FAM20A: variants seen among roughly 807,000 people sequenced by gnomAD.
FAM20A encodes the protein pseudokinase FAM20A.
A neutral mutation model predicts 52.0 loss-of-function variants in FAM20A; 42 were observed. The ratio of observed to expected loss-of-function variants is 0.81; its 90% CI spans 0.63 to 1.04. The LOEUF is 1.04. Ranked by LOEUF, FAM20A falls within the 50% of genes least tolerant of loss-of-function variation. FAM20A has a pLI of 0.00. For synonymous variants in FAM20A, 304 were observed against 298.9 expected, an observed-to-expected ratio of 1.02 and a Z score of -0.18; for missense variants, 742 against 712.7, an observed-to-expected ratio of 1.04 and a Z score of -0.47.
intron 2 of FAM20A, 58 bp downstream of exon 2, chr17:68,555,501 T>C (rs1040531960): frequency 9.4e-6 from 15 of 1,596,498 alleles, no homozygotes; most frequent in Non-Finnish European, 1.3e-5. Context: ...CTGGGATGCT[T>C]TACCCAGACT....
intron 1 of FAM20A, among the ~76,000 whole-genome samples, chr17:68,563,510 C>T (rs1439765380): frequency 1.3e-5 from 2 of 151,966 alleles, no homozygotes; most frequent in East Asian, 1.9e-4. Context: ...GACAGAATCT[C>T]GTCTGCCCCA....
In FAM20A at chr17:68,536,617, A is replaced by C. The variant is rs139909164; in HGVS notation, c.*860T>G. 6 of 452,162 alleles carry C rather than the reference A, an allele frequency of 1.3e-5. No individual in the cohort carries two copies. Among genetic ancestry groups the C allele is most frequent in the Non-Finnish European group, 4.4e-6 (1 of 226,112 alleles). 28.0% of individuals were successfully genotyped at this position (452,162 alleles called of 1,614,324 possible). ...GGGCCGGGGACAATCCTGGGGTCTT[A>C]GGGAAGAAGATTGTGGTTGGTGGGC... On this transcript the variant is annotated 3_prime_UTR_variant, in exon 11 of 11. Transcript: ENST00000592554.
intron 4 of FAM20A, among the ~76,000 whole-genome samples, chr17:68,544,314 T>C (rs894936292): frequency 1.3e-5 from 2 of 152,166 alleles, no homozygotes; most frequent in African/African-American, 4.8e-5. Flanking sequence ...TATTGATTTA[T>C]ATACATTAAA....
At chr17:68,581,774 C>T (rs1044184075) in intron 1 of FAM20A, among the ~76,000 whole-genome samples, 3 of 151,924 alleles carry the variant, frequency 2.0e-5, no homozygotes, top group Admixed American at 6.6e-5. Flanking sequence ...CAGGGTTTCA[C>T]CATGTTGGCC....
chr17:68,590,958 T>C (rs1316238217), intron 1 of FAM20A, among the ~76,000 whole-genome samples: 1 of 152,200 alleles, frequency 6.6e-6, no homozygotes, highest in African/African-American at 2.4e-5. Context: ...CCCAGGATCT[T>C]TCTTTTTGGA....
At chr17:68,586,433 C>T (rs964859268) in intron 1 of FAM20A, among the ~76,000 whole-genome samples, 7 of 152,264 alleles carry the variant, frequency 4.6e-5, no homozygotes, top group African/African-American at 1.2e-4. Context: ...AGAAGGCTTT[C>T]GCAGATTTAA....
At chr17:68,539,194 G>T in intron 10 of FAM20A, 143 bp downstream of exon 10, 1 of 747,662 alleles carries the variant, frequency 1.3e-6, no homozygotes, top group Non-Finnish European at 2.4e-6. Context: ...GCACAAATGT[G>T]TAGGAAATAA....
intron 1 of FAM20A, among the ~76,000 whole-genome samples, chr17:68,586,245 TA>T (rs1413430965): frequency 6.6e-6 from 1 of 152,216 alleles, no homozygotes; most frequent in Non-Finnish European, 1.5e-5. Context: ...TGGATAAAGA[TA>T]TAGGTATAGA....
intron 1 of FAM20A, among the ~76,000 whole-genome samples, chr17:68,596,159 A>G (rs184317887): frequency 2.7e-4 from 41 of 152,102 alleles, no homozygotes; most frequent in Admixed American, 1.4e-3. Context: ...AGCAATAGGT[A>G]GGAGGAGGGG....
Position 68,542,119 on chromosome 17 carries a change from C to T in FAM20A, c.975G>A (p.Thr325=), listed in dbSNP as rs150508189. The T allele has an allele frequency of 1.3e-4, 216 of 1,614,126 alleles. No individual in the cohort carries two copies. Among genetic ancestry groups the T allele is most frequent in the East Asian group, 4.0e-4 (18 of 44,882 alleles). Residue 325 remains threonine, a synonymous_variant, in exon 7 of 11, where the codon ACG becomes ACA. Transcript: ENST00000592554. ...FFAKCPYMCK[T]EYAVCGNPHL... ...GTGGGTTGCCACAGACAGCATACTC[C>T]GTCTTGCACATGTATGGACACTTGG...
At chr17:68,554,022 A>ACACACGTG (rs2086970213) in intron 3 of FAM20A, among the ~76,000 whole-genome samples, 1 of 91,274 alleles carries the variant, frequency 1.1e-5, no homozygotes, top group Non-Finnish European at 1.9e-5. Flanking sequence ...ATACATATAT[A>ACACACGTG]CATATATACA....
At chr17:68,544,693 G>A (rs1313285896) in intron 4 of FAM20A, among the ~76,000 whole-genome samples, 1 of 151,762 alleles carries the variant, frequency 6.6e-6, no homozygotes, top group East Asian at 1.9e-4. Flanking sequence ...TATTTTAAAA[G>A]GTGCAGCCAC....
At chr17:68,567,801 T>A (rs2087421766) in intron 1 of FAM20A, among the ~76,000 whole-genome samples, 1 of 151,966 alleles carries the variant, frequency 6.6e-6, no homozygotes, top group Non-Finnish European at 1.5e-5. Flanking sequence ...GGGGGTGGTT[T>A]CCCACATGCT....
intron 4 of FAM20A, 112 bp from the exon 5 acceptor site, chr17:68,543,833 T>G (rs746161556): frequency 2.1e-6 from 2 of 930,950 alleles, no homozygotes; most frequent in Admixed American, 3.6e-5. Flanking sequence ...ATGCTTTTCA[T>G]GTACACACAG....
chr17:68,537,840 T>G lies in FAM20A; in HGVS notation c.1362-99A>C. The G allele has an allele frequency of 7.5e-7, 1 of 1,327,340 alleles. No individual in the cohort carries two copies. Among genetic ancestry groups the G allele is most frequent in the South Asian group, 1.3e-5 (1 of 78,996 alleles). 82.2% of individuals were successfully genotyped at this position (1,327,340 alleles called of 1,614,324 possible). A position where few individuals can be genotyped will look rare whatever the true frequency, so the allele number is the denominator to read the frequency against. On this transcript the variant is annotated intron_variant, in intron 10 of 10. Coordinates refer to ENST00000592554, the MANE Select transcript of FAM20A (RefSeq NM_017565.4). This position sits in a 1 kb window ranked among gnomAD's most constrained non-coding sequence, Gnocchi z 4.2. The stretch of plus-strand genomic sequence containing the variant: ...AAACAGCTGTTGTAGCTGATACTCT[T>G]GGCGCCTCTCCTTGTGTCTTCTCAG...
intron 4 of FAM20A, among the ~76,000 whole-genome samples, chr17:68,548,293 G>A (rs998464066): frequency 9.9e-5 from 15 of 152,248 alleles, no homozygotes; most frequent in African/African-American, 3.1e-4. Flanking sequence ...ACTTTGGGAG[G>A]CTGAGGTGGG....
chr17:68,597,777 C>G (rs890565133), intron 1 of FAM20A, among the ~76,000 whole-genome samples: 2 of 152,066 alleles, frequency 1.3e-5, no homozygotes, highest in African/African-American at 4.8e-5. Context: ...TAGCAAGGTC[C>G]TTCATTGTTT....
rs527672082 is a variant in FAM20A at position 68,588,381 on chromosome 17, G to A, written c.404+11882C>T. Among the ~76,000 whole-genome samples the A allele has an allele frequency of 1.7e-4, 26 of 152,328 alleles. 1 individual carries two copies. In the South Asian group the frequency reaches 4.8e-3, roughly 28 times the overall value. On this transcript the variant is annotated intron_variant, in intron 1 of 10. Transcript: ENST00000592554. ...AGATATGGCTTTGCCCCTGCCCCAG[G>A]GAACTGAGATGGAGACAGGCCTAAG...
rs573491585 is a variant in FAM20A at position 68,561,208 on chromosome 17, G to A, written c.405-5465C>T. Among the ~76,000 whole-genome samples the A allele has an allele frequency of 4.6e-5, 7 of 152,252 alleles. No individual in the cohort carries two copies. In the South Asian group the frequency reaches 8.3e-4, roughly 18 times the overall value. ...TGTGAAATTCTTAGGCCAGTCTCAC[G>A]TTGAAATTACAAGAATAAGAAACCA... On this transcript the variant is annotated intron_variant, in intron 1 of 10. Coordinates refer to ENST00000592554, the MANE Select transcript of FAM20A (RefSeq NM_017565.4).
Sources: allele counts gnomAD v4.1 joint callset (sites outside exome capture counted in the v4.1 genomes callset), GRCh38; gene constraint gnomAD v4.1.1; non-coding constraint Gnocchi (gnomAD v3.1); transcripts MANE v1.5; gene names NCBI Gene and HGNC (gene_info 2026-07-23, HGNC 2026-07-21).